The following PLCH2 variants were observed in gnomAD, a reference collection of about 807,000 sequenced individuals.
PLCH2 encodes phospholipase C eta 2.
A neutral mutation model predicts 134.7 loss-of-function variants in PLCH2; 98 were observed. The observed-to-expected ratio is 0.73, with a 90% CI of 0.62 to 0.86. PLCH2 has a LOEUF of 0.86. Ranked by LOEUF, PLCH2 falls within the 40% of genes least tolerant of loss-of-function variation. The pLI, the probability that PLCH2 is intolerant of heterozygous loss-of-function variation, is 0.00. For missense variants in PLCH2, 1,994 were observed against 1,986.6 expected (o/e 1.00, Z -0.07); for synonymous variants, 974 against 827.5 (o/e 1.18, Z -3.04).
chr1:2,469,412 G>T (rs1034524736), intron 1 of PLCH2, among the ~76,000 whole-genome samples: 4 of 152,240 alleles, frequency 2.6e-5, no homozygotes, highest in African/African-American at 9.6e-5. Flanking sequence ...AGTCCTTACA[G>T]ACTCCACGTG....
At chr1:2,434,770 C>G (rs1639245106) in intron 2 of PLCH2, among the ~76,000 whole-genome samples, 1 of 152,242 alleles carries the variant, frequency 6.6e-6, no homozygotes, top group African/African-American at 2.4e-5. Flanking sequence ...GCCATGCAAG[C>G]TCCTCTCCCT....
intron 3 of PLCH2, 98 bp from the exon 4 acceptor site, chr1:2,480,085 G>A: frequency 1.9e-6 from 3 of 1,580,148 alleles, no homozygotes; most frequent in Non-Finnish European, 2.6e-6. Context: ...GAAGTGGCCG[G>A]TAGGCTGGGG....
In PLCH2 at chr1:2,487,270, C is replaced by T. The variant is rs1347362714; in HGVS notation, c.1008C>T (p.Phe336=). The stretch of plus-strand genomic sequence containing the variant: ...TGACGCAGCCGCTGAGCCACTACTT[C>T]ATCACCTCGTCCCACAACACCTACC... ...QDMTQPLSHY[F]ITSSHNTYLV... The change falls in exon 7 of 22, where the codon TTC becomes TTT. Residue 336 remains phenylalanine (F), a synonymous_variant. Transcript: ENST00000378486. 2.5e-6 allele frequency: 4 copies of T among 1,613,578 alleles called. No homozygotes were observed. Among genetic ancestry groups the T allele is most frequent in the Admixed American group, 3.3e-5 (2 of 59,966 alleles).
chr1:2,491,200 C>A lies in PLCH2; in HGVS notation c.1524C>A (p.Thr508=), dbSNP rs760331672. The A allele has an allele frequency of 1.2e-6, 2 of 1,612,058 alleles. No homozygotes were observed. The highest frequency in any genetic ancestry group is 1.7e-6 in the Non-Finnish European group (2 of 1,179,366). ...DCKLLNGDAS[T]NRKRVENTAK... ...GCCTCTGGCTCCTGCAGGCATCCAC[C>A]AATCGAAAGCGTGTAGAAAACACTG... Residue 508 remains threonine, a synonymous_variant, in exon 11 of 22, where the codon ACC becomes ACA. Transcript: ENST00000378486.
chr1:2,451,062 G>A (rs1181773344), intron 2 of PLCH2, among the ~76,000 whole-genome samples: 2 of 151,990 alleles, frequency 1.3e-5, no homozygotes, highest in Non-Finnish European at 2.9e-5. Flanking sequence ...GCTGTGGCTC[G>A]GCCACCCAGC....
At position 2,444,078 on chromosome 1, in the gene PLCH2, C is replaced by T. The variant is rs1187053822; in HGVS notation, c.115+13449C>T. ...GGTCGGGGCTGAGCCGCCTGGGCTT[C>T]AGACTCGGGAGCGGAGGCTCGGATC... On this transcript the variant is annotated intron_variant, in intron 2 of 3. Coordinates refer to the PLCH2 transcript ENST00000609981. The surrounding 1 kb of genome is among the most constrained non-coding windows in gnomAD (Gnocchi z 4.6). 1.3e-5 allele frequency among the ~76,000 whole-genome samples: 2 copies of T among 152,188 alleles called. No individual in the cohort carries two copies. Among genetic ancestry groups the T allele is most frequent in the Non-Finnish European group, 2.9e-5 (2 of 68,024 alleles).
intron 2 of PLCH2, among the ~76,000 whole-genome samples, chr1:2,447,013 C>A (rs1019590795): frequency 6.6e-6 from 1 of 152,206 alleles, no homozygotes; most frequent in African/African-American, 2.4e-5. Flanking sequence ...GCCTCAGAGC[C>A]GCCCTCAGGG....
At position 2,448,756 on chromosome 1, in the gene PLCH2, C is replaced by T. The variant is rs1362262993; in HGVS notation, c.115+18127C>T. ...CCCCCTGGTGCAGCCTCCTGGCTCC[C>T]CACCATCCAGTCTCTCCCTGGGTGG... On this transcript the variant is annotated intron_variant, in intron 2 of 3. Coordinates refer to the PLCH2 transcript ENST00000609981. This position sits in a 1 kb window ranked among gnomAD's most constrained non-coding sequence, Gnocchi z 4.0. 1.3e-5 allele frequency among the ~76,000 whole-genome samples: 2 copies of T among 152,122 alleles called. No homozygotes were observed. The highest frequency in any genetic ancestry group is 4.8e-5 in the African/African-American group (2 of 41,424).
the PLCH2 span, among the ~76,000 whole-genome samples, chr1:2,419,823 G>A: frequency 6.6e-6 from 1 of 152,090 alleles, no homozygotes. Context: ...TTAATCTGAA[G>A]CTGTCCGTAG....
chr1:2,492,841 G>A (rs1426660604), intron 11 of PLCH2, among the ~76,000 whole-genome samples: 1 of 152,152 alleles, frequency 6.6e-6, no homozygotes, highest in African/African-American at 2.4e-5. Context: ...GAGGACGTGA[G>A]ACCTCTACTC....
intron 1 of PLCH2, among the ~76,000 whole-genome samples, chr1:2,471,253 C>T (rs916596378): frequency 3.3e-5 from 5 of 152,172 alleles, no homozygotes; most frequent in Non-Finnish European, 4.4e-5. Flanking sequence ...CTGGCTGTCC[C>T]GAAGAGGCCA....
At chr1:2,471,219 C>A (rs1641309707) in intron 1 of PLCH2, among the ~76,000 whole-genome samples, 1 of 152,182 alleles carries the variant, frequency 6.6e-6, no homozygotes, top group Non-Finnish European at 1.5e-5. Context: ...TGGGAGGGAC[C>A]CTTACTGAGA....
chr1:2,467,321 G>C (rs1641102534), upstream of PLCH2: 1 of 345,220 alleles, frequency 2.9e-6, no homozygotes, highest in Admixed American at 4.8e-5. Context: ...CCCAGCCCAG[G>C]TGTCCTCCCT....
At chr1:2,502,053 A>AGCAGCT (rs1643253642) in intron 20 of PLCH2, 59 bp from the exon 21 acceptor site, 2 of 1,361,324 alleles carry the variant, frequency 1.5e-6, no homozygotes, top group African/African-American at 3.1e-5. Flanking sequence ...GCCCTGGGGG[A>AGCAGCT]GCAGCTGCAG....
intron 2 of PLCH2, among the ~76,000 whole-genome samples, chr1:2,456,297 C>T (rs944123928): frequency 2.6e-5 from 4 of 152,212 alleles, no homozygotes; most frequent in South Asian, 2.1e-4. Context: ...GTCCCCTGGG[C>T]GCTGGCTCCT....
chr1:2,505,223 G>T lies in PLCH2; in HGVS notation c.*10G>T, dbSNP rs921364790. ...CCTGCTCCGCCTCTGACCGTCAGTG[G>T]TGGGAACCTGGGCGGCTCTGGAGGC... On this transcript the variant is annotated 3_prime_UTR_variant, in exon 22 of 22. Transcript: ENST00000378486. 1.9e-6 allele frequency: 3 copies of T among 1,561,800 alleles called. No individual in the cohort carries two copies. In the African/African-American group the frequency reaches 4.1e-5, roughly 21 times the overall value.
rs1044409661 is a variant in PLCH2, at chr1:2,497,506, C to T, written c.2121C>T (p.Ala707=). The change falls in exon 16 of 22, where the codon GCC becomes GCT. Residue 707 remains alanine, a synonymous_variant. Coordinates refer to ENST00000378486, the MANE Select transcript of PLCH2 (RefSeq NM_014638.4). ...PFWNAGCQMV[A]LNYQSEGRML... ...AGCCTTGTGTCACCCTCGCAGTTGCCCTGAACTACCAGTCAGAGGGGCGGA... is the reference window on the plus strand; with the variant it reads ...AGCCTTGTGTCACCCTCGCAGTTGCTCTGAACTACCAGTCAGAGGGGCGGA... 18 of 1,553,148 alleles carry T rather than the reference C, an allele frequency of 1.2e-5. No individual in the cohort carries two copies. The highest frequency in any genetic ancestry group is 5.5e-5 in the African/African-American group (4 of 73,156).
Position 2,495,557 on chromosome 1 carries a change from G to A in PLCH2, c.1822G>A (p.Gly608Ser). ...EGDEGQDSPGGQSRGATRQKK... is the reference protein window; with the variant it reads ...EGDEGQDSPGSQSRGATRQKK... Reference sequence around the variant, plus strand: ...AGATGAGGGTCAGGACTCCCCGGGAGGCCAGAGCCGAGGGTAGGTGCCCTG... The same window carrying A: ...AGATGAGGGTCAGGACTCCCCGGGAAGCCAGAGCCGAGGGTAGGTGCCCTG... The change falls in exon 13 of 22, where the codon GGC (glycine) becomes AGC (serine). Residue 608 changes from glycine to serine, a missense_variant. Physicochemically the swap from Gly to Ser is moderately conservative, Grantham distance 56. Coordinates refer to ENST00000378486, the MANE Select transcript of PLCH2 (RefSeq NM_014638.4). The A allele has an allele frequency of 6.5e-7, 1 of 1,548,944 alleles. No homozygotes were observed. Among genetic ancestry groups the A allele is most frequent in the South Asian group, 1.2e-5 (1 of 83,774 alleles).
chr1:2,474,226 G>A (rs1351337356), upstream of PLCH2, among the ~76,000 whole-genome samples: 1 of 152,052 alleles, frequency 6.6e-6, no homozygotes, highest in Non-Finnish European at 1.5e-5. Flanking sequence ...GTGGGGAGGG[G>A]TTCTTAAGTC....
Sources: allele counts gnomAD v4.1 joint callset (sites outside exome capture counted in the v4.1 genomes callset), GRCh38; gene constraint gnomAD v4.1.1; non-coding constraint Gnocchi (gnomAD v3.1); transcripts MANE v1.5; gene names NCBI Gene and HGNC (gene_info 2026-07-23, HGNC 2026-07-21).